CEP83: variants seen among roughly 807,000 people sequenced by gnomAD.
CEP83 encodes centrosomal protein 83.
Under a neutral mutation model 101.9 loss-of-function variants are expected in CEP83, and 70 were observed. That is an observed-to-expected ratio of 0.69 (90% CI 0.57 to 0.84). The LOEUF (loss-of-function observed/expected upper bound fraction) is 0.84. Ranked by LOEUF, CEP83 falls within the 40% of genes least tolerant of loss-of-function variation. The pLI is 0.00. For missense variants in CEP83, 715 were observed against 787.2 expected, an observed-to-expected ratio of 0.91 and a Z score of 1.10; for synonymous variants, 264 against 267.9, an observed-to-expected ratio of 0.99 and a Z score of 0.14.
In CEP83 at chr12:94,368,144, A is replaced by G; in HGVS notation, c.1106T>C (p.Leu369Ser). The change falls in exon 10 of 17, where the codon TTA (leucine) becomes TCA (serine). Residue 369 changes from leucine (L) to serine (S), a missense_variant. By Grantham distance (145) the Leu-to-Ser change is moderately radical (BLOSUM62 -2). Coordinates refer to ENST00000397809, the MANE Select transcript of CEP83 (RefSeq NM_016122.3). ...KAAVEHHKVL[L>S]VEKDRELIRK... The stretch of plus-strand genomic sequence containing the variant: ...TATTAATTCACGATCCTTTTCTACT[A>G]AGAGCACTTTGTGATGTTCAACAGC... 6.2e-7 allele frequency: 1 copy of G among 1,612,850 alleles called. No homozygotes were observed. Among genetic ancestry groups the G allele is most frequent in the South Asian group, 1.1e-5 (1 of 90,966 alleles).
intron 7 of CEP83, among the ~76,000 whole-genome samples, chr12:94,377,191 C>T (rs963414224): frequency 1.2e-4 from 18 of 152,214 alleles, no homozygotes; most frequent in African/African-American, 4.1e-4. Flanking sequence ...AAGTCCATAA[C>T]TTAGACTAGC....
intron 15 of CEP83, among the ~76,000 whole-genome samples, chr12:94,311,129 T>C (rs564278086): frequency 5.1e-4 from 78 of 152,290 alleles, no homozygotes; most frequent in African/African-American, 1.7e-3. Flanking sequence ...GCCTATGTAA[T>C]GAAGCCTCCA....
intron 6 of CEP83, among the ~76,000 whole-genome samples, chr12:94,394,766 A>G (rs561391170): frequency 1.3e-5 from 2 of 152,334 alleles, no homozygotes; most frequent in African/African-American, 4.8e-5. Flanking sequence ...AAAGAACTCA[A>G]AGTTACAAGA....
At chr12:94,338,275 C>CAGAAAAA (rs1466397664) in intron 11 of CEP83, among the ~76,000 whole-genome samples, 1 of 151,846 alleles carries the variant, frequency 6.6e-6, no homozygotes, top group Non-Finnish European at 1.5e-5. Context: ...AAACAGAAAA[C>CAGAAAAA]AGAAAAAAGT....
intron 11 of CEP83, among the ~76,000 whole-genome samples, chr12:94,347,050 A>AATATATATATATATATATATATATATAT (rs137940620): frequency 1.5e-5 from 2 of 132,024 alleles, no homozygotes; most frequent in Admixed American, 7.7e-5. Context: ...AAAATAAACA[A>AATATATATATATATATATATATATATAT]ATATATATAT....
At chr12:94,444,937 T>C (rs774743331) in intron 1 of CEP83, among the ~76,000 whole-genome samples, 1 of 152,136 alleles carries the variant, frequency 6.6e-6, no homozygotes, top group African/African-American at 2.4e-5. Context: ...CCAAATTCAA[T>C]GCAGTGTCAT....
At chr12:94,376,732 C>T (rs200400959) in intron 7 of CEP83, among the ~76,000 whole-genome samples, 7,120 of 93,984 alleles carry the variant, frequency 0.076, 191 homozygotes, top group Non-Finnish European at 0.1. Context: ...CACACACACA[C>T]ATATATATAT....
At chr12:94,456,953 A>G (rs368649143) in intron 1 of CEP83, among the ~76,000 whole-genome samples, 1 of 152,240 alleles carries the variant, frequency 6.6e-6, no homozygotes, top group Non-Finnish European at 1.5e-5. Flanking sequence ...AATAAAAAGT[A>G]TAAGTATCAA....
chr12:94,300,943 G>C, the CEP83 span: 1 of 1,613,400 alleles, frequency 6.2e-7, no homozygotes, highest in East Asian at 2.2e-5. Flanking sequence ...ACATCCTGAA[G>C]AACCCTCAGT....
the CEP83 span, among the ~76,000 whole-genome samples, chr12:94,274,155 T>TTA: frequency 2.2e-5 from 1 of 45,376 alleles, no homozygotes; most frequent in Non-Finnish European, 3.4e-5. Context: ...ACCCTGTCTC[T>TTA]AAAAAAAAAA....
intron 6 of CEP83, among the ~76,000 whole-genome samples, chr12:94,393,033 A>G (rs1415392208): frequency 1.3e-5 from 2 of 152,234 alleles, no homozygotes; most frequent in African/African-American, 4.8e-5. Context: ...TCACAGCTGA[A>G]TTCTACCAGA....
chr12:94,441,932 A>C (rs942856013), intron 1 of CEP83, among the ~76,000 whole-genome samples: 2 of 151,542 alleles, frequency 1.3e-5, no homozygotes, highest in African/African-American at 4.8e-5. Context: ...AAAAAAAAAA[A>C]AAAAACTAAA....
chr12:94,436,191 A>G (rs533257659), intron 1 of CEP83, among the ~76,000 whole-genome samples: 1 of 152,342 alleles, frequency 6.6e-6, no homozygotes, highest in East Asian at 1.9e-4. Context: ...CACCCCCAAA[A>G]GATCACACTA....
At chr12:94,335,445 C>A in intron 12 of CEP83, 144 bp downstream of exon 12, 1 of 591,038 alleles carries the variant, frequency 1.7e-6, no homozygotes, top group Non-Finnish European at 3.0e-6. Flanking sequence ...AACATTTTAT[C>A]TTTACATATC....
chr12:94,321,938 C>T (rs60986619), intron 14 of CEP83, among the ~76,000 whole-genome samples: 15,003 of 152,014 alleles, frequency 0.099, 848 homozygotes, highest in Admixed American at 0.15. Context: ...GCTGGGGGTC[C>T]GCTCCAATCC....
chr12:94,343,191 CATATACT>C (rs1289100547), intron 11 of CEP83, among the ~76,000 whole-genome samples: 1 of 151,704 alleles, frequency 6.6e-6, no homozygotes, highest in African/African-American at 2.4e-5. Context: ...CAATAACTGA[CATATACT>C]ATGGGACTAA....
Position 94,368,476 on chromosome 12 carries a change from T to C in CEP83, c.1049-275A>G, listed in dbSNP as rs144487044. ...CTGTATACATTTACTCATTCGAACATTGAGAGTTGAGATCAAACTGGATGA... is the reference window on the plus strand; with the variant it reads ...CTGTATACATTTACTCATTCGAACACTGAGAGTTGAGATCAAACTGGATGA... On this transcript the variant is annotated intron_variant, in intron 9 of 16. Coordinates refer to ENST00000397809, the MANE Select transcript of CEP83 (RefSeq NM_016122.3). 284 of 266,852 alleles carry C rather than the reference T, an allele frequency of 1.1e-3. 1 individual carries two copies. Among genetic ancestry groups the C allele is most frequent in the African/African-American group, 5.7e-3 (254 of 44,920 alleles). 16.5% of individuals were successfully genotyped at this position (266,852 alleles called of 1,614,324 possible). A position where few individuals can be genotyped will look rare whatever the true frequency, so the allele number is the denominator to read the frequency against.
chr12:94,298,498 A>T, the CEP83 span: 1 of 740,580 alleles, frequency 1.4e-6, no homozygotes, highest in Non-Finnish European at 2.1e-6. Flanking sequence ...ACAATTTTAC[A>T]TTTTTCTCTT....
At chr12:94,422,058 T>G (rs1213207901) in intron 2 of CEP83, among the ~76,000 whole-genome samples, 3 of 152,226 alleles carry the variant, frequency 2.0e-5, no homozygotes, top group Non-Finnish European at 4.4e-5. Context: ...AGCATTAGGT[T>G]ATAGCCTGTT....
Sources: allele counts gnomAD v4.1 joint callset (sites outside exome capture counted in the v4.1 genomes callset), GRCh38; gene constraint gnomAD v4.1.1; transcripts MANE v1.5; gene names NCBI Gene and HGNC (gene_info 2026-07-23, HGNC 2026-07-21).